The following INA variants were observed in gnomAD, a reference collection of about 807,000 sequenced individuals.
The protein encoded by INA is alpha-internexin.
A neutral mutation model predicts 40.1 loss-of-function variants in INA; 35 were observed. The observed-to-expected ratio is 0.87, with a 90% CI of 0.67 to 1.16. The LOEUF (loss-of-function observed/expected upper bound fraction) is 1.16, where lower values mean the gene tolerates loss of function less well. Among genes scored for constraint, INA ranks in the 50% most tolerant of loss-of-function variants. INA has a pLI of 0.00. For synonymous variants in INA, 290 were observed against 316.9 expected (o/e 0.92, Z 0.90); for missense variants, 594 against 686.7 (o/e 0.87, Z 1.51).
At chr10:103,287,903 G>A (rs977527665) in intron 2 of INA, among the ~76,000 whole-genome samples, 8 of 152,006 alleles carry the variant, frequency 5.3e-5, no homozygotes, top group Non-Finnish European at 1.0e-4. Flanking sequence ...CTTTGTACCC[G>A]TATACACTGA....
intron 1 of INA, among the ~76,000 whole-genome samples, chr10:103,283,506 T>C (rs2093077217): frequency 1.3e-5 from 2 of 152,330 alleles, no homozygotes; most frequent in South Asian, 4.1e-4. Flanking sequence ...CTGTCATTCC[T>C]TGTTCTGTAC....
At chr10:103,285,436 C>T (rs1284094391) in intron 1 of INA, among the ~76,000 whole-genome samples, 1 of 151,288 alleles carries the variant, frequency 6.6e-6, no homozygotes, top group Non-Finnish European at 1.5e-5. Flanking sequence ...GGTGGGATTA[C>T]AGGCGCTTGC....
chr10:103,279,807 TG>T, intron 1 of INA: 1 of 480,790 alleles, frequency 2.1e-6, no homozygotes, highest in South Asian at 2.0e-5. Context: ...AGTTTGGTAT[TG>T]CATTATCATT....
rs1385009034 is a variant in INA at position 103,279,921 on chromosome 10, G to A, written c.1065+1645G>A. 3 of 1,289,118 alleles carry A rather than the reference G, an allele frequency of 2.3e-6. No homozygotes were observed. In the East Asian group the frequency reaches 1.7e-4, roughly 72 times the overall value. 79.9% of individuals were successfully genotyped at this position (1,289,118 alleles called of 1,614,324 possible). A position where few individuals can be genotyped will look rare whatever the true frequency, so the allele number is the denominator to read the frequency against. ...GAATTAATCACATTTGGCTAATTGA[G>A]ACTTCATTTTTTTCTTCTAGAAGCC... On this transcript the variant is annotated intron_variant, in intron 1 of 2. Coordinates refer to ENST00000369849, the MANE Select transcript of INA (RefSeq NM_032727.4).
Position 103,278,942 on chromosome 10 carries a change from T to G in INA, c.1065+666T>G, listed in dbSNP as rs2093067173. ...ACACACACACACACACACGATTCCCTTGTCCACCAGCTGACATTTCCTCCT... is the reference window on the plus strand; with the variant it reads ...ACACACACACACACACACGATTCCCGTGTCCACCAGCTGACATTTCCTCCT... On this transcript the variant is annotated intron_variant, in intron 1 of 2. Transcript: ENST00000369849. The surrounding 1 kb of genome is among the most constrained non-coding windows in gnomAD (Gnocchi z 4.9). Among the ~76,000 whole-genome samples the G allele has an allele frequency of 1.1e-5, 1 of 91,478 alleles. No individual in the cohort carries two copies. Among genetic ancestry groups the G allele is most frequent in the Non-Finnish European group, 2.6e-5 (1 of 38,934 alleles). The allele number at this position is 91,478 out of a possible 152,430, so 60.0% of individuals were successfully genotyped here.
At position 103,289,478 on chromosome 10, in the gene INA, T is replaced by G. The variant is rs574058835; in HGVS notation, c.*809T>G. ...TTTAGGCTTTCAGCTTACACAAATC[T>G]ATTTAATTAGGAAAAAAACTATTAA... On this transcript the variant is annotated 3_prime_UTR_variant, in exon 3 of 3. Coordinates refer to ENST00000369849, the MANE Select transcript of INA (RefSeq NM_032727.4). 1 of 152,648 alleles carries G rather than the reference T, an allele frequency of 6.6e-6. No individual in the cohort carries two copies. Among genetic ancestry groups the G allele is most frequent in the African/African-American group, 2.4e-5 (1 of 41,456 alleles). 9.5% of individuals were successfully genotyped at this position (152,648 alleles called of 1,614,324 possible). A position where few individuals can be genotyped will look rare whatever the true frequency, so the allele number is the denominator to read the frequency against.
At chr10:103,284,623 G>A (rs886545750) in intron 1 of INA, among the ~76,000 whole-genome samples, 16 of 151,864 alleles carry the variant, frequency 1.1e-4, no homozygotes, top group Non-Finnish European at 1.6e-4. Flanking sequence ...GTGTGGTGGT[G>A]CACACCTGTA....
At chr10:103,285,959 C>A (rs1408711204) in intron 1 of INA, among the ~76,000 whole-genome samples, 1 of 151,784 alleles carries the variant, frequency 6.6e-6, no homozygotes, top group Non-Finnish European at 1.5e-5. Context: ...ATGTAAAGAC[C>A]GGCATTTTAG....
rs2093091996 is a variant in INA, at chr10:103,288,476, C to A, written c.1307C>A (p.Thr436Asn). ...CCACCTAGAATCCTCAGTGCTACAA[C>A]CTCCAAAGTCTCATCCACTGGGCTA... ...LLPPRILSAT[T>N]SKVSSTGLSL... is the part of the protein sequence containing the mutation. The change falls in exon 3 of 3, where the codon ACC becomes AAC. Residue 436 changes from threonine to asparagine, a missense_variant. Physicochemically the swap from Thr to Asn is moderately conservative, Grantham distance 65. Around this residue, in one of 2 missense-constraint regions of INA, gnomAD observed 379 missense variants for 496.1 expected, o/e 0.76. Coordinates refer to ENST00000369849, the MANE Select transcript of INA (RefSeq NM_032727.4). 1 of 1,613,784 alleles carries A rather than the reference C, an allele frequency of 6.2e-7. No individual in the cohort carries two copies. The highest frequency in any genetic ancestry group is 8.5e-7 in the Non-Finnish European group (1 of 1,180,008).
At chr10:103,282,100 A>G (rs1476926497) in intron 1 of INA, among the ~76,000 whole-genome samples, 2 of 152,236 alleles carry the variant, frequency 1.3e-5, no homozygotes, top group Non-Finnish European at 2.9e-5. Flanking sequence ...TTGAAGAGCA[A>G]TCAATGGTCA....
At position 103,278,539 on chromosome 10, in the gene INA, T is replaced by A. The variant is rs927180370; in HGVS notation, c.1065+263T>A. ...TGAGGTTCGAAAACCCAACTCTGCC[T>A]GTCTGTCAGCAAGCGGGCCTACACA... On this transcript the variant is annotated intron_variant, in intron 1 of 2. Transcript: ENST00000369849. The surrounding 1 kb of genome is among the most constrained non-coding windows in gnomAD (Gnocchi z 4.9). Among the ~76,000 whole-genome samples, 2 of 152,208 alleles carry A rather than the reference T, an allele frequency of 1.3e-5. No homozygotes were observed. The highest frequency in any genetic ancestry group is 4.8e-5 in the African/African-American group (2 of 41,450).
chr10:103,281,935 G>A (rs1209036903), intron 1 of INA, among the ~76,000 whole-genome samples: 12 of 152,232 alleles, frequency 7.9e-5, no homozygotes, highest in Non-Finnish European at 1.8e-4. Flanking sequence ...GTTCCCTCAG[G>A]CTAAGCCGGC....
At chr10:103,283,892 A>G (rs1257845103) in intron 1 of INA, among the ~76,000 whole-genome samples, 26 of 151,816 alleles carry the variant, frequency 1.7e-4, no homozygotes, top group Non-Finnish European at 4.4e-5. Context: ...CTGGGATTAC[A>G]GGCACACGCC....
Position 103,278,737 on chromosome 10 carries a change from A to T in INA, c.1065+461A>T, listed in dbSNP as rs995085000. On this transcript the variant is annotated intron_variant, in intron 1 of 2. Coordinates refer to ENST00000369849, the MANE Select transcript of INA (RefSeq NM_032727.4). This position sits in a 1 kb window ranked among gnomAD's most constrained non-coding sequence, Gnocchi z 4.9. ...TGGTCTGCTTCAGGGCTGAAGGAAG[A>T]ATGCGATCCTGAACTGGGAAGAGTC... is the stretch of plus-strand genomic sequence containing the variant. Among the ~76,000 whole-genome samples the T allele has an allele frequency of 2.0e-5, 3 of 152,184 alleles. No individual in the cohort carries two copies. Among genetic ancestry groups the T allele is most frequent in the Admixed American group, 1.3e-4 (2 of 15,280 alleles).
chr10:103,283,748 C>CTTTTTTTTT (rs34755376), intron 1 of INA, among the ~76,000 whole-genome samples: 9 of 114,914 alleles, frequency 7.8e-5, no homozygotes, highest in Non-Finnish European at 1.2e-4. Context: ...ATCACTGTTT[C>CTTTTTTTTT]TTTTTTTTTT....
In INA at chr10:103,290,037, A is replaced by C. The variant is rs896113828; in HGVS notation, c.*1368A>C. On this transcript the variant is annotated 3_prime_UTR_variant, in exon 3 of 3. Coordinates refer to ENST00000369849, the MANE Select transcript of INA (RefSeq NM_032727.4). Reference sequence around the variant, plus strand: ...GGACAGTCAGCTCTTCATCTGCCCAACTGTGTAGCATCTGCATTGCCCAGT... The same window carrying C: ...GGACAGTCAGCTCTTCATCTGCCCACCTGTGTAGCATCTGCATTGCCCAGT... 9 of 152,632 alleles carry C rather than the reference A, an allele frequency of 5.9e-5. No individual in the cohort carries two copies. The highest frequency in any genetic ancestry group is 1.7e-4 in the African/African-American group (7 of 41,438). 9.5% of individuals were successfully genotyped at this position (152,632 alleles called of 1,614,324 possible).
chr10:103,289,203 T>C lies in INA; in HGVS notation c.*534T>C, dbSNP rs1419917983. On this transcript the variant is annotated 3_prime_UTR_variant, in exon 3 of 3. Transcript: ENST00000369849. The stretch of plus-strand genomic sequence containing the variant: ...ATTCCATATATCCTTTTCTTCTATG[T>C]AGGAAAAAAATAGTCTAGTGTAGTA... The C allele has an allele frequency of 1.3e-5, 2 of 152,896 alleles. No homozygotes were observed. The highest frequency in any genetic ancestry group is 1.9e-4 in the East Asian group (1 of 5,196). The allele number at this position is 152,896 out of a possible 1,614,324, so 9.5% of individuals were successfully genotyped here.
At chr10:103,279,436 C>G (rs967278738) in intron 1 of INA, among the ~76,000 whole-genome samples, 10 of 152,062 alleles carry the variant, frequency 6.6e-5, no homozygotes, top group Admixed American at 6.5e-4. Flanking sequence ...TTCAGTTTTA[C>G]TATATAAGAA....
chr10:103,286,335 CA>C (rs71019675), intron 1 of INA, among the ~76,000 whole-genome samples: 1,152 of 51,698 alleles, frequency 0.022, 2 homozygotes, highest in South Asian at 0.079. Context: ...GACCTTGTCT[CA>C]AAAAAAAAAA....
Sources: allele counts gnomAD v4.1 joint callset (sites outside exome capture counted in the v4.1 genomes callset), GRCh38; gene constraint gnomAD v4.1.1; regional missense constraint gnomAD v4.1.1; non-coding constraint Gnocchi (gnomAD v3.1); transcripts MANE v1.5; gene names NCBI Gene and HGNC (gene_info 2026-07-23, HGNC 2026-07-21).